The following CEP128 variants were observed in gnomAD, a reference collection of about 807,000 sequenced individuals.
CEP128 encodes centrosomal protein 128, also known as centrosomal protein 128kDa.
Under a neutral mutation model 156.7 loss-of-function variants are expected in CEP128, and 132 were observed. The observed-to-expected ratio is 0.84, with a 90% confidence interval of 0.73 to 0.97. The LOEUF (loss-of-function observed/expected upper bound fraction) is 0.97, where lower values mean the gene tolerates loss of function less well. Among genes scored for constraint, CEP128 ranks in the 50% least tolerant of loss-of-function variants. The pLI is 0.00. For synonymous variants in CEP128, 469 were observed against 448.9 expected (o/e 1.04, Z -0.57); for missense variants, 1,252 against 1,281.9 (o/e 0.98, Z 0.36).
intron 2 of CEP128, among the ~76,000 whole-genome samples, chr14:80,922,435 T>G (rs1319057359): frequency 6.6e-6 from 1 of 152,226 alleles, no homozygotes; most frequent in Non-Finnish European, 1.5e-5. Flanking sequence ...ATTTTCGCTG[T>G]GTAGTTTTAC....
rs764121241 is a variant in CEP128 at position 80,840,701 on chromosome 14, G to C, written c.830C>G (p.Thr277Ser). 1.9e-6 allele frequency: 3 copies of C among 1,605,918 alleles called. No homozygotes were observed. Among genetic ancestry groups the C allele is most frequent in the Non-Finnish European group, 2.6e-6 (3 of 1,173,798 alleles). Reference sequence around the variant, plus strand: ...TCTTACTTGATTCTTCTCAGTTTCAGTTTGTCTTAGCTTATTTTTTATTGC... The same window carrying C: ...TCTTACTTGATTCTTCTCAGTTTCACTTTGTCTTAGCTTATTTTTTATTGC... ...EGAIKNKLRQ[T>S]ETEKNQLEQE... The change falls in exon 10 of 25, where the codon ACT becomes AGT. Residue 277 changes from threonine to serine, a missense_variant. Thr to Ser is a moderately conservative substitution (Grantham distance 58). Coordinates refer to ENST00000555265, the MANE Select transcript of CEP128 (RefSeq NM_152446.5).
intron 19 of CEP128, among the ~76,000 whole-genome samples, chr14:80,640,200 C>T (rs890391774): frequency 6.6e-6 from 1 of 152,146 alleles, no homozygotes; most frequent in Non-Finnish European, 1.5e-5. Context: ...TCTCATCTTT[C>T]TTTTCTAGCA....
chr14:80,829,512 C>A (rs1030692336), intron 13 of CEP128, among the ~76,000 whole-genome samples: 4 of 152,292 alleles, frequency 2.6e-5, no homozygotes, highest in African/African-American at 9.6e-5. Flanking sequence ...CTGGCTCAAG[C>A]AATCCTTTCA....
chr14:80,594,055 T>C (rs1892207467), intron 19 of CEP128, among the ~76,000 whole-genome samples: 1 of 152,186 alleles, frequency 6.6e-6, no homozygotes, highest in Non-Finnish European at 1.5e-5. Context: ...GGCATCACGC[T>C]ACCTGACTTC....
chr14:80,709,093 TAATAA>T (rs1897315459), intron 19 of CEP128, among the ~76,000 whole-genome samples: 1 of 150,972 alleles, frequency 6.6e-6, no homozygotes, highest in African/African-American at 2.4e-5. Flanking sequence ...ATAAATAAAA[TAATAA>T]AATAAAACTC....
chr14:80,953,227 G>A lies in CEP128; in HGVS notation c.-172+4951C>T, dbSNP rs142119125. On this transcript the variant is annotated intron_variant, in intron 2 of 7. Transcript: ENST00000555529. ...AGAAAATAACAGACTACTATCCCTT[G>A]TGAACGTCTATGTAAAACTTTTAAA... is the stretch of plus-strand genomic sequence containing the variant. Among the ~76,000 whole-genome samples the A allele has an allele frequency of 3.7e-3, 571 of 152,346 alleles. 5 individuals are homozygous for A. The highest frequency in any genetic ancestry group is 0.012 in the African/African-American group (516 of 41,574).
At chr14:80,744,250 G>C (rs1898983185) in intron 18 of CEP128, among the ~76,000 whole-genome samples, 1 of 151,992 alleles carries the variant, frequency 6.6e-6, no homozygotes, top group Non-Finnish European at 1.5e-5. Flanking sequence ...CAATACAGCA[G>C]GATTTCAGTC....
chr14:80,679,496 CAGT>C (rs1400855663), intron 19 of CEP128, among the ~76,000 whole-genome samples: 1 of 151,968 alleles, frequency 6.6e-6, no homozygotes, highest in Non-Finnish European at 1.5e-5. Flanking sequence ...TGGTCTCCCA[CAGT>C]ACCCTCAGGC....
At chr14:80,482,031 T>C (rs1310806216) in intron 14 of CEP128, among the ~76,000 whole-genome samples, 1 of 152,258 alleles carries the variant, frequency 6.6e-6, no homozygotes, top group Non-Finnish European at 1.5e-5. Context: ...GAGTTAAATA[T>C]AGTTTGGGTG....
At chr14:80,819,239 CTTTTTTT>C (rs1187431254) in intron 13 of CEP128, among the ~76,000 whole-genome samples, 81 of 82,744 alleles carry the variant, frequency 9.8e-4, no homozygotes, top group Middle Eastern at 0.01. Context: ...TGGCATCTTC[CTTTTTTT>C]TTTTTTTTTT....
At chr14:80,912,574 C>T (rs959508757) in intron 4 of CEP128, among the ~76,000 whole-genome samples, 1 of 151,972 alleles carries the variant, frequency 6.6e-6, no homozygotes. Context: ...ATGAACTGCC[C>T]AAATATAACA....
downstream of CEP128, among the ~76,000 whole-genome samples, chr14:80,492,095 G>A (rs552744248): frequency 1.3e-4 from 20 of 152,208 alleles, no homozygotes; most frequent in South Asian, 4.1e-3. Flanking sequence ...AAGAAGAAAA[G>A]GGGGAAAAAA....
At chr14:80,752,447 C>G (rs1899443911) in intron 18 of CEP128, among the ~76,000 whole-genome samples, 1 of 152,122 alleles carries the variant, frequency 6.6e-6, no homozygotes, top group Non-Finnish European at 1.5e-5. Flanking sequence ...AATACATATA[C>G]TTTTGCTCAA....
chr14:80,571,001 T>C (rs920300679), intron 20 of CEP128, among the ~76,000 whole-genome samples: 1 of 152,218 alleles, frequency 6.6e-6, no homozygotes, highest in Non-Finnish European at 1.5e-5. Context: ...TTGCCATATG[T>C]CTTTTCTAAG....
At chr14:80,862,227 T>G (rs1595513106) in intron 9 of CEP128, among the ~76,000 whole-genome samples, 2 of 152,280 alleles carry the variant, frequency 1.3e-5, no homozygotes, top group Non-Finnish European at 2.9e-5. Flanking sequence ...CTACAACTAC[T>G]CAACTCTGCC....
intron 19 of CEP128, among the ~76,000 whole-genome samples, chr14:80,675,317 G>A (rs1023942213): frequency 1.5e-4 from 23 of 151,996 alleles, no homozygotes; most frequent in African/African-American, 5.1e-4. Flanking sequence ...GGGTAAAAAC[G>A]TAAAAGTAGT....
At chr14:80,907,657 C>CAAA (rs67715110) in intron 4 of CEP128, among the ~76,000 whole-genome samples, 8 of 64,594 alleles carry the variant, frequency 1.2e-4, no homozygotes, top group African/African-American at 1.7e-4. Flanking sequence ...GACTCTGTTT[C>CAAA]AAAAAAAAAA....
intron 19 of CEP128, among the ~76,000 whole-genome samples, 190 bp from the exon 20 acceptor site, chr14:80,580,613 C>T (rs568652661): frequency 6.6e-6 from 1 of 152,118 alleles, no homozygotes; most frequent in East Asian, 1.9e-4. Flanking sequence ...AGCGCGGGAG[C>T]CTGCCAACTC....
intron 19 of CEP128, among the ~76,000 whole-genome samples, chr14:80,617,748 C>T (rs1296488104): frequency 6.6e-6 from 1 of 152,154 alleles, no homozygotes; most frequent in Non-Finnish European, 1.5e-5. Flanking sequence ...CGGAGACCAG[C>T]CTGGGCAACA....
Sources: allele counts gnomAD v4.1 joint callset (sites outside exome capture counted in the v4.1 genomes callset), GRCh38; gene constraint gnomAD v4.1.1; transcripts MANE v1.5; gene names NCBI Gene and HGNC (gene_info 2026-07-23, HGNC 2026-07-21).